FSTL4: variants seen among roughly 807,000 people sequenced by gnomAD.
FSTL4 encodes follistatin like 4, also known as follistatin-related protein 4.
FSTL4 carries 28 observed loss-of-function variants against 78.2 expected under a neutral mutation model. The ratio of observed to expected loss-of-function variants is 0.36; its 90% confidence interval spans 0.27 to 0.49. FSTL4 has a LOEUF of 0.49. Ranked by LOEUF, FSTL4 falls within the 20% of genes least tolerant of loss-of-function variation. The probability of loss-of-function intolerance (pLI) is 0.98; values close to 1 mark genes in which losing one functional copy is unlikely to be tolerated. For missense variants in FSTL4, 922 were observed against 1,084.9 expected (o/e 0.85, Z 2.11); for synonymous variants, 422 against 440.5 (o/e 0.96, Z 0.53).
At chr5:133,548,430 C>G (rs1384003660) in intron 3 of FSTL4, among the ~76,000 whole-genome samples, 1 of 151,936 alleles carries the variant, frequency 6.6e-6, no homozygotes, top group East Asian at 1.9e-4. Flanking sequence ...TCAGACTACA[C>G]AAAAAGGCTT....
At chr5:133,836,428 A>G in the FSTL4 span, among the ~76,000 whole-genome samples, 1 of 152,144 alleles carries the variant, frequency 6.6e-6, no homozygotes, top group Admixed American at 6.5e-5. Flanking sequence ...TAAAATTTTA[A>G]TTTCATTTGT....
At chr5:133,341,948 G>A (rs1392559667) in intron 4 of FSTL4, among the ~76,000 whole-genome samples, 1 of 152,160 alleles carries the variant, frequency 6.6e-6, no homozygotes, top group Non-Finnish European at 1.5e-5. Flanking sequence ...CCTAGTACCT[G>A]CTCCAGCACT....
At chr5:133,474,456 G>A (rs1757887958) in intron 3 of FSTL4, among the ~76,000 whole-genome samples, 2 of 152,170 alleles carry the variant, frequency 1.3e-5, no homozygotes, top group African/African-American at 4.8e-5. Flanking sequence ...AGTGCACTGA[G>A]AAATGCACAG....
intron 4 of FSTL4, among the ~76,000 whole-genome samples, chr5:133,382,424 G>A (rs1186382477): frequency 6.6e-6 from 1 of 152,220 alleles, no homozygotes; most frequent in Non-Finnish European, 1.5e-5. Flanking sequence ...TACTTGTGAT[G>A]ATTGTTAGTT....
chr5:133,673,009 T>A, the FSTL4 span, among the ~76,000 whole-genome samples: 3 of 152,148 alleles, frequency 2.0e-5, no homozygotes, highest in South Asian at 2.1e-4. Context: ...GCTGGACAAC[T>A]TGAAGCAAAG....
At chr5:133,444,334 G>A (rs1214136281) in intron 3 of FSTL4, among the ~76,000 whole-genome samples, 1 of 152,090 alleles carries the variant, frequency 6.6e-6, no homozygotes, top group Non-Finnish European at 1.5e-5. Flanking sequence ...CTTCTCCAGG[G>A]CCCATGACCA....
chr5:133,344,308 A>G (rs1006552502), intron 4 of FSTL4, among the ~76,000 whole-genome samples: 3 of 152,242 alleles, frequency 2.0e-5, no homozygotes, highest in African/African-American at 7.2e-5. Flanking sequence ...TACAGTCTAA[A>G]ACATTAATTT....
At chr5:133,574,959 G>A (rs2112951861) in intron 2 of FSTL4, 1 of 152,256 alleles carries the variant, frequency 6.6e-6, no homozygotes, top group African/African-American at 2.4e-5. Context: ...TGCTGGAAAT[G>A]TTCTATATTA....
intron 4 of FSTL4, among the ~76,000 whole-genome samples, chr5:133,339,253 G>A (rs1489544141): frequency 2.6e-5 from 4 of 152,198 alleles, no homozygotes; most frequent in African/African-American, 4.8e-5. Flanking sequence ...CTCAAGACAC[G>A]TGGTCACTGA....
the FSTL4 span, among the ~76,000 whole-genome samples, chr5:133,741,009 G>A: frequency 6.6e-6 from 1 of 152,100 alleles, no homozygotes; most frequent in Non-Finnish European, 1.5e-5. Flanking sequence ...GAATTGATGG[G>A]CAGGTGGGTA....
At chr5:133,522,739 G>C (rs905606526) in intron 3 of FSTL4, among the ~76,000 whole-genome samples, 4 of 152,144 alleles carry the variant, frequency 2.6e-5, no homozygotes, top group Non-Finnish European at 5.9e-5. Flanking sequence ...GCTTCAACAC[G>C]GGCATCCAGC....
At chr5:133,218,403 G>A (rs1289306383) in intron 12 of FSTL4, among the ~76,000 whole-genome samples, 2 of 152,136 alleles carry the variant, frequency 1.3e-5, no homozygotes, top group Admixed American at 6.5e-5. Context: ...CTCCCAACCT[G>A]TTCTTGACCC....
chr5:133,322,978 T>C (rs954593151), intron 4 of FSTL4, among the ~76,000 whole-genome samples: 1 of 152,168 alleles, frequency 6.6e-6, no homozygotes, highest in Non-Finnish European at 1.5e-5. Context: ...CATGCAGCAT[T>C]ACAGTATGAA....
At chr5:133,841,276 C>G in the FSTL4 span, among the ~76,000 whole-genome samples, 1 of 152,220 alleles carries the variant, frequency 6.6e-6, no homozygotes, top group Admixed American at 6.5e-5. Flanking sequence ...ACCACCATCA[C>G]CCCTAGGTTA....
At chr5:133,328,464 A>G (rs536192700) in intron 4 of FSTL4, among the ~76,000 whole-genome samples, 3 of 152,340 alleles carry the variant, frequency 2.0e-5, no homozygotes, top group South Asian at 2.1e-4. Flanking sequence ...TATACTTTTT[A>G]TGGTTGACTG....
intron 3 of FSTL4, among the ~76,000 whole-genome samples, chr5:133,470,526 C>T (rs1384889923): frequency 2.0e-5 from 3 of 152,080 alleles, no homozygotes; most frequent in Non-Finnish European, 2.9e-5. Context: ...AGGCGGATCA[C>T]CTGGGGTCAG....
intron 3 of FSTL4, among the ~76,000 whole-genome samples, chr5:133,415,059 T>C (rs1406609604): frequency 6.6e-6 from 1 of 152,256 alleles, no homozygotes; most frequent in Non-Finnish European, 1.5e-5. Flanking sequence ...TATGTAGATG[T>C]GGCTGGCTAC....
At chr5:133,736,063 C>A in the FSTL4 span, among the ~76,000 whole-genome samples, 2 of 152,214 alleles carry the variant, frequency 1.3e-5, no homozygotes, top group African/African-American at 4.8e-5. Flanking sequence ...AGGATGTGCA[C>A]AGTGCCTGGA....
In FSTL4 at chr5:133,442,572, A is replaced by G. The variant is rs981200285; in HGVS notation, c.161-41586T>C. On this transcript the variant is annotated intron_variant, in intron 3 of 15. Transcript: ENST00000265342. ...AATAAAAGCATGTTCAGCAAAACCA[A>G]TATAATATAGCATGGTGTCATTCTT... Among the ~76,000 whole-genome samples, 3 of 152,240 alleles carry G rather than the reference A, an allele frequency of 2.0e-5. No individual in the cohort carries two copies. In the East Asian group the frequency reaches 5.8e-4, roughly 29 times the overall value.
Sources: gnomAD v4.1 joint callset for allele counts (sites outside exome capture counted in the v4.1 genomes callset) on GRCh38, gnomAD v4.1.1 for gene constraint, MANE v1.5 for transcripts, NCBI Gene and HGNC (gene_info 2026-07-23, HGNC 2026-07-21) for gene names.